UBE2L6: variants seen among roughly 807,000 people sequenced by gnomAD.
The protein encoded by UBE2L6 is ubiquitin conjugating enzyme E2 L6.
Under a neutral mutation model 13.6 loss-of-function variants are expected in UBE2L6, and 11 were observed. The ratio of observed to expected loss-of-function variants is 0.81; its 90% CI spans 0.51 to 1.34. UBE2L6 has a LOEUF of 1.34. Among genes scored for constraint, UBE2L6 ranks in the 40% most tolerant of loss-of-function variants. The pLI, the probability that UBE2L6 is intolerant of heterozygous loss-of-function variation, is 0.00. For synonymous variants in UBE2L6, 74 were observed against 83.2 expected, an observed-to-expected ratio of 0.89 and a Z score of 0.60; for missense variants, 197 against 199.5, an observed-to-expected ratio of 0.99 and a Z score of 0.07.
intron 1 of UBE2L6, chr11:57,567,295 A>T: frequency 1.8e-6 from 1 of 542,032 alleles, no homozygotes; most frequent in Non-Finnish European, 3.4e-6. Flanking sequence ...TTGTTATCAC[A>T]AGTTTCAGGC....
intron 2 of UBE2L6, among the ~76,000 whole-genome samples, chr11:57,554,906 T>C (rs1944985891): frequency 8.4e-6 from 1 of 119,300 alleles, no homozygotes; most frequent in African/African-American, 2.9e-5. Flanking sequence ...ATTTGAAAAG[T>C]GGATAAAGAT....
chr11:57,560,492 C>T (rs1471804991), intron 1 of UBE2L6, 60 bp from the exon 2 acceptor site: 2 of 1,322,674 alleles, frequency 1.5e-6, no homozygotes, highest in Non-Finnish European at 2.2e-6. Context: ...AGCCCCCTCC[C>T]CCTGCCCCAG....
At chr11:57,559,829 G>C (rs1945024861) in intron 2 of UBE2L6, among the ~76,000 whole-genome samples, 1 of 152,192 alleles carries the variant, frequency 6.6e-6, no homozygotes. Context: ...CTTTCAGAGA[G>C]ACTTTATCAA....
intron 1 of UBE2L6, chr11:57,567,268 A>G: frequency 4.0e-6 from 2 of 506,156 alleles, no homozygotes; most frequent in Non-Finnish European, 7.3e-6. Context: ...CTTTTCCTGC[A>G]CTGGAGATGC....
At chr11:57,560,474 C>T (rs1357300742) in intron 1 of UBE2L6, 42 bp from the exon 2 acceptor site, 2 of 1,458,404 alleles carry the variant, frequency 1.4e-6, no homozygotes, top group African/African-American at 2.8e-5. Context: ...CCTAGTCCTC[C>T]TTATTTCAGC....
At chr11:57,560,527 C>G in intron 1 of UBE2L6, 95 bp from the exon 2 acceptor site, 3 of 922,250 alleles carry the variant, frequency 3.3e-6, no homozygotes, top group Non-Finnish European at 5.3e-6. Context: ...AAGTTCAAAA[C>G]TGGCCATCTT....
rs986278413 is a variant in UBE2L6 at position 57,567,672 on chromosome 11, C to G, written c.-61G>C. On this transcript the variant is annotated 5_prime_UTR_variant, in exon 1 of 4. Coordinates refer to ENST00000287156, the MANE Select transcript of UBE2L6 (RefSeq NM_004223.5). ...CAGGACCGAGCTCCGACCCGCGACA[C>G]AGCGCGCCCCGCCCCGCCCCGGGGA... 8 of 1,551,212 alleles carry G rather than the reference C, an allele frequency of 5.2e-6. No homozygotes were observed. The highest frequency in any genetic ancestry group is 7.0e-6 in the Non-Finnish European group (8 of 1,144,012).
Position 57,554,508 on chromosome 11 carries a change from T to A in UBE2L6, c.239A>T (p.Asp80Val). The change falls in exon 3 of 4, where the codon GAC (aspartate) becomes GTC (valine). Residue 80 changes from aspartate to valine, a missense_variant. By Grantham distance (152) the Asp-to-Val change is radical (BLOSUM62 -3). Coordinates refer to ENST00000287156, the MANE Select transcript of UBE2L6 (RefSeq NM_004223.5). ...FTTKIYHPNV[D>V]ENGQICLPII... ...GGGCAGGCAAATCTGTCCGTTCTCGTCCACGTTGGGGTGGTAGATCTTGGT... is the reference window on the plus strand; with the variant it reads ...GGGCAGGCAAATCTGTCCGTTCTCGACCACGTTGGGGTGGTAGATCTTGGT... 6.2e-7 allele frequency: 1 copy of A among 1,614,220 alleles called. No homozygotes were observed. Among genetic ancestry groups the A allele is most frequent in the Non-Finnish European group, 8.5e-7 (1 of 1,180,048 alleles).
chr11:57,561,935 G>T (rs1945050150), intron 1 of UBE2L6, among the ~76,000 whole-genome samples: 1 of 152,198 alleles, frequency 6.6e-6, no homozygotes, highest in Non-Finnish European at 1.5e-5. Flanking sequence ...CAAACCAGTG[G>T]TTCTCAACCA....
chr11:57,562,437 C>T (rs1945054403), intron 1 of UBE2L6, among the ~76,000 whole-genome samples: 1 of 152,252 alleles, frequency 6.6e-6, no homozygotes, highest in Admixed American at 6.5e-5. Context: ...GCCTGGCTGG[C>T]TTCACCACCT....
rs1287703415 is a variant in UBE2L6, at chr11:57,552,345, GT to G, written c.*12del. ...ATGCCGAGGATCCAGTGCACAGAGG[GT>G]CAGAACATGAGTTAGGAGGGCCGGT... On this transcript the variant is annotated 3_prime_UTR_variant, in exon 4 of 4. Transcript: ENST00000287156. The G allele has an allele frequency of 6.2e-7, 1 of 1,613,976 alleles. No individual in the cohort carries two copies. The highest frequency in any genetic ancestry group is 2.2e-5 in the East Asian group (1 of 44,894).
At chr11:57,563,915 A>G (rs1945066580) in intron 1 of UBE2L6, among the ~76,000 whole-genome samples, 1 of 152,204 alleles carries the variant, frequency 6.6e-6, no homozygotes, top group Non-Finnish European at 1.5e-5. Flanking sequence ...AATAAAAAAA[A>G]AGAATAAACA....
Position 57,552,164 on chromosome 11 carries a change from G to A in UBE2L6, c.*194C>T, listed in dbSNP as rs760387932. ...GGTGCACCTGTGGCCAGGTGAACCT[G>A]GGAGTGAGTCCATACACAACACACA... On this transcript the variant is annotated 3_prime_UTR_variant, in exon 4 of 4. Coordinates refer to ENST00000287156, the MANE Select transcript of UBE2L6 (RefSeq NM_004223.5). 11 of 735,374 alleles carry A rather than the reference G, an allele frequency of 1.5e-5. No individual in the cohort carries two copies. The highest frequency in any genetic ancestry group is 2.4e-5 in the Non-Finnish European group (11 of 455,894). The allele number at this position is 735,374 out of a possible 1,614,324, so 45.6% of individuals were successfully genotyped here. A position where few individuals can be genotyped will look rare whatever the true frequency, so the allele number is the denominator to read the frequency against.
chr11:57,567,185 C>G (rs1433161703), intron 1 of UBE2L6: 1 of 460,884 alleles, frequency 2.2e-6, no homozygotes, highest in African/African-American at 2.0e-5. Flanking sequence ...AAGGCAAGGA[C>G]TTCATCCTGG....
intron 1 of UBE2L6, 184 bp from the exon 2 acceptor site, chr11:57,560,616 C>T (rs2135278885): frequency 1.2e-5 from 6 of 486,872 alleles, no homozygotes; most frequent in South Asian, 5.4e-5. Context: ...GGTGCTTTTT[C>T]TTTTTTCTTT....
At chr11:57,556,306 C>T (rs370247697) in intron 2 of UBE2L6, among the ~76,000 whole-genome samples, 1 of 151,996 alleles carries the variant, frequency 6.6e-6, no homozygotes, top group African/African-American at 2.4e-5. Flanking sequence ...CTAACTAGGC[C>T]GGGCACGATG....
At chr11:57,555,216 G>A (rs1944988012) in intron 2 of UBE2L6, among the ~76,000 whole-genome samples, 1 of 152,198 alleles carries the variant, frequency 6.6e-6, no homozygotes, top group South Asian at 2.1e-4. Flanking sequence ...GTTTCTAGCA[G>A]CCAAAAGGTG....
In UBE2L6 at chr11:57,552,414, A is replaced by G; in HGVS notation, c.406T>C (p.Phe136Leu). The change falls in exon 4 of 4, where the codon TTC (phenylalanine) becomes CTC (leucine). Residue 136 changes from phenylalanine (F) to leucine (L), a missense_variant. Transcript: ENST00000287156. ...GTGAACTCTTCGGCATTCTTTCTGA[A>G]CAGCTCCGGATTCTGTGTCAGCAGG... ...ADLLTQNPEL[F>L]RKNAEEFTLR... 1 of 1,614,152 alleles carries G rather than the reference A, an allele frequency of 6.2e-7. No homozygotes were observed. The highest frequency in any genetic ancestry group is 8.5e-7 in the Non-Finnish European group (1 of 1,180,028).
At position 57,562,295 on chromosome 11, in the gene UBE2L6, C is replaced by T. The variant is rs191208746; in HGVS notation, c.28-1863G>A. Among the ~76,000 whole-genome samples, 214 of 152,328 alleles carry T rather than the reference C, an allele frequency of 1.4e-3. 1 individual carries two copies. The highest frequency in any genetic ancestry group is 5.0e-3 in the African/African-American group (209 of 41,562). ...CTGTGTCCTGTGGTTTCAGTGCCAG[C>T]TTAGCTGCAGTAGCACAGAGCACTA... On this transcript the variant is annotated intron_variant, in intron 1 of 3. Transcript: ENST00000287156.
Sources: allele counts gnomAD v4.1 joint callset (sites outside exome capture counted in the v4.1 genomes callset), GRCh38; gene constraint gnomAD v4.1.1; transcripts MANE v1.5; gene names NCBI Gene and HGNC (gene_info 2026-07-23, HGNC 2026-07-21).